Variants in CPPED1 observed in about 807,000 individuals in gnomAD.
The protein encoded by CPPED1 is serine/threonine-protein phosphatase CPPED1.
In CPPED1, 28 loss-of-function variants were observed where a neutral mutation model predicts 28.0. That is an observed-to-expected ratio of 1.00 (90% CI 0.74 to 1.37). CPPED1 has a LOEUF of 1.37. Among genes scored for constraint, CPPED1 ranks in the 40% most tolerant of loss-of-function variants. CPPED1 has a pLI of 0.00. For missense variants in CPPED1, 504 were observed against 416.5 expected (o/e 1.21, Z -1.83); for synonymous variants, 198 against 180.2 (o/e 1.10, Z -0.79).
At chr16:12,749,776 C>G (rs1013657702) in intron 2 of CPPED1, among the ~76,000 whole-genome samples, 1 of 152,108 alleles carries the variant, frequency 6.6e-6, no homozygotes, top group Non-Finnish European at 1.5e-5. Context: ...TTAGTAGAGA[C>G]GGGGGATTTC....
At chr16:12,790,039 T>G (rs974991630) in intron 1 of CPPED1, among the ~76,000 whole-genome samples, 4 of 152,126 alleles carry the variant, frequency 2.6e-5, no homozygotes, top group African/African-American at 9.7e-5. Context: ...AATATCAAGC[T>G]AAGGACAGAA....
At chr16:12,695,152 T>TA (rs1266335031) in intron 3 of CPPED1, among the ~76,000 whole-genome samples, 4 of 152,214 alleles carry the variant, frequency 2.6e-5, no homozygotes, top group African/African-American at 4.8e-5. Context: ...GCTGCATTTG[T>TA]AAAAAAATCT....
intron 3 of CPPED1, among the ~76,000 whole-genome samples, chr16:12,702,189 G>A (rs1032871111): frequency 7.9e-5 from 12 of 151,994 alleles, no homozygotes; most frequent in African/African-American, 2.9e-4. Context: ...CAGGGGGCTG[G>A]GGCATCATGG....
intron 2 of CPPED1, among the ~76,000 whole-genome samples, chr16:12,743,268 C>T (rs1369037999): frequency 6.6e-6 from 1 of 152,108 alleles, no homozygotes; most frequent in East Asian, 1.9e-4. Flanking sequence ...GGAAATGGGG[C>T]CACTGGCATA....
At chr16:12,772,115 T>C (rs890834591) in intron 2 of CPPED1, among the ~76,000 whole-genome samples, 4 of 151,888 alleles carry the variant, frequency 2.6e-5, no homozygotes, top group Non-Finnish European at 4.4e-5. Flanking sequence ...AGAACAAGAC[T>C]CTGTCTGAAA....
chr16:12,694,137 T>C (rs1596448652), intron 3 of CPPED1, among the ~76,000 whole-genome samples: 7 of 151,844 alleles, frequency 4.6e-5, no homozygotes, highest in Admixed American at 4.6e-4. Flanking sequence ...ACCTGGGAGG[T>C]GGAGGTTGCA....
chr16:12,724,363 T>C (rs2080158033), intron 2 of CPPED1, among the ~76,000 whole-genome samples: 1 of 152,088 alleles, frequency 6.6e-6, no homozygotes, highest in Non-Finnish European at 1.5e-5. Context: ...AAGAGCACAC[T>C]CCTTCTCCCG....
chr16:12,691,639 A>C (rs1477335403), intron 3 of CPPED1, among the ~76,000 whole-genome samples: 1 of 152,164 alleles, frequency 6.6e-6, no homozygotes, highest in Admixed American at 6.6e-5. Flanking sequence ...AGCCATAAAA[A>C]ATGATGAGTT....
intron 1 of CPPED1, among the ~76,000 whole-genome samples, chr16:12,788,823 A>G (rs1458563108): frequency 6.6e-6 from 1 of 152,194 alleles, no homozygotes; most frequent in Non-Finnish European, 1.5e-5. Context: ...TGGGCTGTAC[A>G]CAAAGACAAT....
At chr16:12,728,472 G>A (rs976883989) in intron 2 of CPPED1, among the ~76,000 whole-genome samples, 3 of 152,030 alleles carry the variant, frequency 2.0e-5, no homozygotes, top group African/African-American at 7.3e-5. Flanking sequence ...CCCCGAGAAA[G>A]ATTGAGAGGA....
chr16:12,693,550 G>GGC (rs1357039379), intron 3 of CPPED1, among the ~76,000 whole-genome samples: 1 of 151,978 alleles, frequency 6.6e-6, no homozygotes, highest in African/African-American at 2.4e-5. Flanking sequence ...ACATTTTTAA[G>GGC]TAAAATTTAA....
chr16:12,746,548 C>T (rs981530550), intron 2 of CPPED1, among the ~76,000 whole-genome samples: 2 of 152,082 alleles, frequency 1.3e-5, no homozygotes, highest in Non-Finnish European at 2.9e-5. Context: ...ATACCAGATG[C>T]GGCTCTGGAT....
intron 2 of CPPED1, among the ~76,000 whole-genome samples, chr16:12,750,162 T>A (rs2080318366): frequency 6.6e-6 from 1 of 152,216 alleles, no homozygotes; most frequent in African/African-American, 2.4e-5. Flanking sequence ...AATAAGGCTG[T>A]TTCACTTTCT....
intron 2 of CPPED1, among the ~76,000 whole-genome samples, chr16:12,751,179 T>C (rs1354523314): frequency 6.6e-6 from 1 of 152,166 alleles, no homozygotes; most frequent in African/African-American, 2.4e-5. Flanking sequence ...AATACTTACC[T>C]CTGGAGGGAA....
intron 3 of CPPED1, among the ~76,000 whole-genome samples, chr16:12,699,068 G>A (rs2080006778): frequency 6.6e-6 from 1 of 152,168 alleles, no homozygotes. Context: ...TTAACCCTCT[G>A]CTGAAAGAGG....
chr16:12,752,393 A>T (rs1328334090), intron 2 of CPPED1, among the ~76,000 whole-genome samples: 1 of 152,044 alleles, frequency 6.6e-6, no homozygotes, highest in Non-Finnish European at 1.5e-5. Context: ...CACACGAAAT[A>T]TGGAAGCTTT....
intron 2 of CPPED1, among the ~76,000 whole-genome samples, chr16:12,725,437 T>A (rs2080164823): frequency 6.6e-6 from 1 of 152,196 alleles, no homozygotes; most frequent in Non-Finnish European, 1.5e-5. Flanking sequence ...GACTTGTAAG[T>A]GAAGATCACT....
intron 2 of CPPED1, among the ~76,000 whole-genome samples, chr16:12,714,669 A>T (rs1331612953): frequency 6.6e-6 from 1 of 152,174 alleles, no homozygotes; most frequent in Non-Finnish European, 1.5e-5. Flanking sequence ...TAGTTGTAAG[A>T]GTTCTTTACA....
At chr16:12,676,781 T>C (rs2079879970) in intron 3 of CPPED1, among the ~76,000 whole-genome samples, 1 of 152,130 alleles carries the variant, frequency 6.6e-6, no homozygotes. Flanking sequence ...GATAATAATA[T>C]TTATGGAGTG....
Sources: allele counts gnomAD v4.1 joint callset (sites outside exome capture counted in the v4.1 genomes callset), GRCh38; gene constraint gnomAD v4.1.1; transcripts MANE v1.5; gene names NCBI Gene and HGNC (gene_info 2026-07-23, HGNC 2026-07-21).